PRKAA2: variants seen among roughly 807,000 people sequenced by gnomAD.
PRKAA2 encodes protein kinase AMP-activated catalytic subunit alpha 2.
Under a neutral mutation model 56.3 loss-of-function variants are expected in PRKAA2, and 40 were observed. That is an observed-to-expected ratio of 0.71 (90% CI 0.55 to 0.92). PRKAA2 has a LOEUF of 0.92. Among genes scored for constraint, PRKAA2 ranks in the 40% least tolerant of loss-of-function variants. The probability of loss-of-function intolerance (pLI) is 0.00; values close to 1 mark genes in which losing one functional copy is unlikely to be tolerated. For synonymous variants in PRKAA2, 214 were observed against 234.2 expected, an observed-to-expected ratio of 0.91 and a Z score of 0.79; for missense variants, 542 against 686.9, an observed-to-expected ratio of 0.79 and a Z score of 2.36.
At chr1:56,687,287 A>G (rs887545948) in intron 2 of PRKAA2, among the ~76,000 whole-genome samples, 2 of 152,180 alleles carry the variant, frequency 1.3e-5, no homozygotes, top group Non-Finnish European at 2.9e-5. Context: ...ATCTCAATAA[A>G]ATAACTTCTA....
chr1:56,691,086 C>A (rs1644226082), intron 2 of PRKAA2, among the ~76,000 whole-genome samples: 1 of 152,118 alleles, frequency 6.6e-6, no homozygotes, highest in African/African-American at 2.4e-5. Context: ...TGTGATACCT[C>A]ATCTCCTTTT....
Position 56,710,024 on chromosome 1 carries a change from A to G in PRKAA2, c.*2311A>G, listed in dbSNP as rs2100444441. ...AAGATTTCAGGAGATGCAGTCCAGC[A>G]CAATTAGAGCTGGAACATTGTTACA... On this transcript the variant is annotated 3_prime_UTR_variant, in exon 9 of 9. Coordinates refer to ENST00000371244, the MANE Select transcript of PRKAA2 (RefSeq NM_006252.4). 1 of 152,238 alleles carries G rather than the reference A, an allele frequency of 6.6e-6. No homozygotes were observed. Among genetic ancestry groups the G allele is most frequent in the South Asian group, 2.1e-4 (1 of 4,818 alleles). The allele number at this position is 152,238 out of a possible 1,614,324, so 9.4% of individuals were successfully genotyped here. A position where few individuals can be genotyped will look rare whatever the true frequency, so the allele number is the denominator to read the frequency against.
At chr1:56,689,081 G>A (rs1328930918) in intron 2 of PRKAA2, among the ~76,000 whole-genome samples, 1 of 152,030 alleles carries the variant, frequency 6.6e-6, no homozygotes, top group East Asian at 1.9e-4. Flanking sequence ...CTCAGAAATG[G>A]CAGCTAAATT....
rs180930081 is a variant in PRKAA2, at chr1:56,709,655, C to T, written c.*1942C>T. On this transcript the variant is annotated 3_prime_UTR_variant, in exon 9 of 9. Coordinates refer to ENST00000371244, the MANE Select transcript of PRKAA2 (RefSeq NM_006252.4). ...ATTTGCCTGATTATGAATGGAATTA[C>T]CTTAGAAATAAGGAACTAATCAGAT... is the stretch of plus-strand genomic sequence containing the variant. 3 of 152,132 alleles carry T rather than the reference C, an allele frequency of 2.0e-5. No individual in the cohort carries two copies. The highest frequency in any genetic ancestry group is 2.0e-4 in the Admixed American group (3 of 15,266). 9.4% of individuals were successfully genotyped at this position (152,132 alleles called of 1,614,324 possible). A position where few individuals can be genotyped will look rare whatever the true frequency, so the allele number is the denominator to read the frequency against.
intron 6 of PRKAA2, among the ~76,000 whole-genome samples, chr1:56,701,616 G>T (rs752093073): frequency 6.6e-6 from 1 of 152,120 alleles, no homozygotes; most frequent in African/African-American, 2.4e-5. Context: ...AGAAGTTGTC[G>T]CCGGGCGCGG....
chr1:56,698,750 G>T lies in PRKAA2; in HGVS notation c.788+2591G>T, dbSNP rs573922731. Among the ~76,000 whole-genome samples the T allele has an allele frequency of 2.6e-5, 4 of 152,202 alleles. No individual in the cohort carries two copies. In the South Asian group the frequency reaches 8.3e-4, roughly 32 times the overall value. On this transcript the variant is annotated intron_variant, in intron 6 of 8. Coordinates refer to ENST00000371244, the MANE Select transcript of PRKAA2 (RefSeq NM_006252.4). ...TTTTCTTGTAAGATAGCCATTGGAA[G>T]TTCGGAAATATATCTTCATATTTAT...
At chr1:56,672,491 G>A (rs1644084515) in intron 1 of PRKAA2, among the ~76,000 whole-genome samples, 1 of 152,224 alleles carries the variant, frequency 6.6e-6, no homozygotes, top group Admixed American at 6.5e-5. Flanking sequence ...ATTTAAAGGA[G>A]GGACAGAGGT....
intron 2 of PRKAA2, among the ~76,000 whole-genome samples, chr1:56,688,624 G>A (rs932748950): frequency 6.6e-6 from 1 of 152,142 alleles, no homozygotes; most frequent in African/African-American, 2.4e-5. Context: ...GCAGGAGGAG[G>A]TACAGCATGA....
At chr1:56,701,667 C>T (rs1245861895) in intron 6 of PRKAA2, among the ~76,000 whole-genome samples, 4 of 151,998 alleles carry the variant, frequency 2.6e-5, no homozygotes, top group African/African-American at 7.2e-5. Flanking sequence ...GAGGCCGAGG[C>T]GGGTGGATCA....
chr1:56,674,544 A>G, intron 2 of PRKAA2, 22 bp downstream of exon 2: 1 of 1,412,566 alleles, frequency 7.1e-7, no homozygotes, highest in Non-Finnish European at 9.5e-7. Context: ...TGTATCTAAT[A>G]ATACCAAAGA....
intron 1 of PRKAA2, among the ~76,000 whole-genome samples, chr1:56,664,187 A>G (rs977599130): frequency 8.5e-5 from 13 of 152,158 alleles, no homozygotes; most frequent in Non-Finnish European, 1.8e-4. Flanking sequence ...GTTCCCATAA[A>G]CTTTTCATAA....
In PRKAA2 at chr1:56,707,753, C is replaced by T. The variant is rs755693897; in HGVS notation, c.*40C>T. 15 of 1,476,128 alleles carry T rather than the reference C, an allele frequency of 1.0e-5. No homozygotes were observed. The highest frequency in any genetic ancestry group is 7.4e-5 in the Admixed American group (4 of 53,720). The allele number at this position is 1,476,128 out of a possible 1,614,324, so 91.4% of individuals were successfully genotyped here. ...CTTTCTGTTATTGCACTATGAAAATCAGTTATATTCTTTAAATTTTTATCT... is the reference window on the plus strand; with the variant it reads ...CTTTCTGTTATTGCACTATGAAAATTAGTTATATTCTTTAAATTTTTATCT... On this transcript the variant is annotated 3_prime_UTR_variant, in exon 9 of 9. Coordinates refer to ENST00000371244, the MANE Select transcript of PRKAA2 (RefSeq NM_006252.4).
At chr1:56,697,188 T>A (rs1023651594) in intron 6 of PRKAA2, among the ~76,000 whole-genome samples, 22 of 151,420 alleles carry the variant, frequency 1.5e-4, no homozygotes, top group Non-Finnish European at 1.3e-4. Flanking sequence ...TAATTTTTTT[T>A]AATTTTTTTA....
rs1035125566 is a variant in PRKAA2, at chr1:56,713,907, G to A, written c.*6194G>A. ...CCTTCTCCCTTAAATTATAAGAAGA[G>A]TAATAGTAAAAACTTGTTTAAACTA... On this transcript the variant is annotated 3_prime_UTR_variant, in exon 9 of 9. Coordinates refer to ENST00000371244, the MANE Select transcript of PRKAA2 (RefSeq NM_006252.4). The A allele has an allele frequency of 1.4e-5, 2 of 146,244 alleles. No individual in the cohort carries two copies. The highest frequency in any genetic ancestry group is 5.0e-5 in the African/African-American group (2 of 39,684). The allele number at this position is 146,244 out of a possible 1,614,324, so 9.1% of individuals were successfully genotyped here. A position where few individuals can be genotyped will look rare whatever the true frequency, so the allele number is the denominator to read the frequency against.
intron 7 of PRKAA2, 150 bp downstream of exon 7, chr1:56,704,625 TG>T: frequency 1.1e-6 from 1 of 914,942 alleles, no homozygotes; most frequent in Non-Finnish European, 1.6e-6. Context: ...TCTATAAGGA[TG>T]AAAAGTGGTT....
At chr1:56,691,252 AT>A (rs1157006369) in intron 2 of PRKAA2, 141 bp from the exon 3 acceptor site, 1 of 481,160 alleles carries the variant, frequency 2.1e-6, no homozygotes, top group Non-Finnish European at 3.6e-6. Flanking sequence ...TTGCTCTGTG[AT>A]TATTTTGATA....
intron 1 of PRKAA2, among the ~76,000 whole-genome samples, chr1:56,665,671 C>T (rs1644030109): frequency 6.6e-6 from 1 of 152,146 alleles, no homozygotes; most frequent in Non-Finnish European, 1.5e-5. Flanking sequence ...TATAAAAGTT[C>T]CAGTTGCTGT....
chr1:56,693,704 A>G (rs540895482), intron 4 of PRKAA2, 61 bp from the exon 5 acceptor site: 32 of 1,225,502 alleles, frequency 2.6e-5, no homozygotes, highest in African/African-American at 2.3e-4. Context: ...GCTCATATTT[A>G]TATGACTTTA....
At chr1:56,676,233 C>G (rs966774097) in intron 2 of PRKAA2, among the ~76,000 whole-genome samples, 5 of 152,092 alleles carry the variant, frequency 3.3e-5, no homozygotes, top group African/African-American at 1.2e-4. Context: ...AGCAGCTGAC[C>G]TTAAACTAGG....
Sources: allele counts gnomAD v4.1 joint callset (sites outside exome capture counted in the v4.1 genomes callset), GRCh38; gene constraint gnomAD v4.1.1; transcripts MANE v1.5; gene names NCBI Gene and HGNC (gene_info 2026-07-23, HGNC 2026-07-21).